PTPRD: variants seen among roughly 807,000 people sequenced by gnomAD.
PTPRD encodes protein tyrosine phosphatase receptor type D.
A neutral mutation model predicts 214.5 loss-of-function variants in PTPRD; 34 were observed. The ratio of observed to expected loss-of-function variants is 0.16; its 90% CI spans 0.12 to 0.21. The LOEUF (loss-of-function observed/expected upper bound fraction) is 0.21, where lower values mean the gene tolerates loss of function less well. Among genes scored for constraint, PTPRD ranks in the 10% least tolerant of loss-of-function variants. The pLI is 1.00. For missense variants in PTPRD, 2,545 were observed against 2,398.7 expected, an observed-to-expected ratio of 1.06 and a Z score of -1.27; for synonymous variants, 1,128 against 845.7, an observed-to-expected ratio of 1.33 and a Z score of -5.79.
chr9:10,114,515 T>C (rs1309536831), intron 3 of PTPRD, among the ~76,000 whole-genome samples: 1 of 152,116 alleles, frequency 6.6e-6, no homozygotes, highest in Non-Finnish European at 1.5e-5. Context: ...TCTCTTCATA[T>C]ATGTGAATTT....
chr9:8,429,378 A>T (rs1772754961), intron 35 of PTPRD, among the ~76,000 whole-genome samples: 1 of 152,034 alleles, frequency 6.6e-6, no homozygotes, highest in African/African-American at 2.4e-5. Flanking sequence ...GGAGAGTGAA[A>T]CCACATGATC....
intron 5 of PTPRD, among the ~76,000 whole-genome samples, chr9:9,772,010 G>A (rs1488132243): frequency 1.3e-5 from 2 of 152,138 alleles, no homozygotes; most frequent in Non-Finnish European, 2.9e-5. Flanking sequence ...GTTATGCGCT[G>A]AATTGTGTCC....
At chr9:9,722,752 G>C (rs911145902) in intron 7 of PTPRD, among the ~76,000 whole-genome samples, 2 of 151,894 alleles carry the variant, frequency 1.3e-5, no homozygotes, top group African/African-American at 4.8e-5. Context: ...TTGATTCTAG[G>C]CATCCTAGTG....
At chr9:9,704,010 G>A (rs1289213911) in intron 7 of PTPRD, among the ~76,000 whole-genome samples, 1 of 152,126 alleles carries the variant, frequency 6.6e-6, no homozygotes, top group African/African-American at 2.4e-5. Context: ...AGCCTCCCAA[G>A]TAGCTGGGAC....
intron 37 of PTPRD, among the ~76,000 whole-genome samples, chr9:8,382,883 C>G (rs1331726197): frequency 6.6e-6 from 1 of 152,198 alleles, no homozygotes; most frequent in Non-Finnish European, 1.5e-5. Flanking sequence ...ATTAAATGTT[C>G]ACGGCCTTTG....
intron 3 of PTPRD, among the ~76,000 whole-genome samples, chr9:10,224,189 C>A (rs879629671): frequency 2.0e-5 from 3 of 151,836 alleles, no homozygotes; most frequent in Non-Finnish European, 2.9e-5. Context: ...ATTATGTAAA[C>A]CACTATATAA....
rs545040480 is a variant in PTPRD at position 9,570,602 on chromosome 9, A to G, written c.-237+4130T>C. ...GAATGGCTGGTGGAGGATAAGAAGT[A>G]TTAGTGCTACTTAAAGTCTTAGAAC... On this transcript the variant is annotated intron_variant, in intron 8 of 45. Transcript: ENST00000381196. Among the ~76,000 whole-genome samples, 53 of 151,720 alleles carry G rather than the reference A, an allele frequency of 3.5e-4. No individual in the cohort carries two copies. In the South Asian group the frequency reaches 0.011, roughly 30 times the overall value.
At chr9:9,451,832 G>A (rs112787508) in intron 8 of PTPRD, among the ~76,000 whole-genome samples, 1 of 151,280 alleles carries the variant, frequency 6.6e-6, no homozygotes, top group Non-Finnish European at 1.5e-5. Context: ...GGTTGAATTT[G>A]CGCTATAGAT....
chr9:10,210,734 A>T, intron 3 of PTPRD, among the ~76,000 whole-genome samples: 1 of 139,998 alleles, frequency 7.1e-6, no homozygotes, highest in East Asian at 2.0e-4. Flanking sequence ...ATATATATAA[A>T]ATGCTTATAT....
chr9:9,164,741 G>A (rs546247987), intron 10 of PTPRD, among the ~76,000 whole-genome samples: 13 of 152,072 alleles, frequency 8.5e-5, no homozygotes, highest in East Asian at 3.9e-4. Context: ...GGCTAGACAC[G>A]GTACCTCATG....
intron 14 of PTPRD, 109 bp downstream of exon 14, chr9:8,633,208 G>C: frequency 7.4e-7 from 1 of 1,348,322 alleles, no homozygotes; most frequent in Non-Finnish European, 1.0e-6. Flanking sequence ...ACATTTAACT[G>C]AGTTTCCCAT....
At chr9:9,728,805 C>G (rs776794084) in intron 7 of PTPRD, among the ~76,000 whole-genome samples, 1 of 151,866 alleles carries the variant, frequency 6.6e-6, no homozygotes, top group East Asian at 1.9e-4. Flanking sequence ...GAAAGTAGAC[C>G]ATTTTGAGTG....
At chr9:9,647,229 T>C (rs144529351) in intron 7 of PTPRD, among the ~76,000 whole-genome samples, 29 of 152,300 alleles carry the variant, frequency 1.9e-4, no homozygotes, top group African/African-American at 7.0e-4. Flanking sequence ...TGCCAGTTGT[T>C]TTTGTAGCCT....
At chr9:9,369,804 G>A (rs552526694) in intron 9 of PTPRD, among the ~76,000 whole-genome samples, 1 of 152,126 alleles carries the variant, frequency 6.6e-6, no homozygotes, top group Non-Finnish European at 1.5e-5. Flanking sequence ...GTAAGGAAGG[G>A]ATCCAGTTTC....
At chr9:9,142,103 G>A (rs2099861467) in intron 10 of PTPRD, among the ~76,000 whole-genome samples, 1 of 152,220 alleles carries the variant, frequency 6.6e-6, no homozygotes, top group Non-Finnish European at 1.5e-5. Context: ...TGCTTGTAGG[G>A]ACCATCTGCA....
chr9:10,139,565 T>A (rs1418076590), intron 3 of PTPRD, among the ~76,000 whole-genome samples: 2 of 151,670 alleles, frequency 1.3e-5, no homozygotes, highest in Admixed American at 1.3e-4. Flanking sequence ...AAAACCTGAA[T>A]GGCAAAAGGT....
chr9:9,036,440 T>G (rs1008057727), intron 10 of PTPRD, among the ~76,000 whole-genome samples: 1 of 152,074 alleles, frequency 6.6e-6, no homozygotes, highest in African/African-American at 2.4e-5. Context: ...TACATGATAT[T>G]AAATATAATG....
chr9:9,036,980 C>T (rs2099623874), intron 10 of PTPRD, among the ~76,000 whole-genome samples: 1 of 152,132 alleles, frequency 6.6e-6, no homozygotes, highest in South Asian at 2.1e-4. Context: ...TTGGTTTGAA[C>T]ACAAATGCAC....
intron 5 of PTPRD, among the ~76,000 whole-genome samples, chr9:9,877,453 G>A (rs2067212510): frequency 6.6e-6 from 1 of 151,974 alleles, no homozygotes; most frequent in South Asian, 2.1e-4. Flanking sequence ...AACAAATCAG[G>A]GATTCTTGAA....
Sources: gnomAD v4.1 joint callset for allele counts (sites outside exome capture counted in the v4.1 genomes callset) on GRCh38, gnomAD v4.1.1 for gene constraint, MANE v1.5 for transcripts, NCBI Gene and HGNC (gene_info 2026-07-23, HGNC 2026-07-21) for gene names.